The following MSRB3 variants were observed in gnomAD, a reference collection of about 807,000 sequenced individuals.
The protein encoded by MSRB3 is methionine sulfoxide reductase B3, also known as methionine-R-sulfoxide reductase B3.
MSRB3 carries 13 observed loss-of-function variants against 21.0 expected under a neutral mutation model. The observed-to-expected ratio is 0.62, with a 90% CI of 0.40 to 0.98. MSRB3 has a LOEUF of 0.98. Among genes scored for constraint, MSRB3 ranks in the 50% least tolerant of loss-of-function variants. The pLI is 0.00. For missense variants in MSRB3, 199 were observed against 230.3 expected (o/e 0.86, Z 0.88); for synonymous variants, 87 against 88.6 (o/e 0.98, Z 0.10).
chr12:65,392,931 A>G (rs1485510486), intron 5 of MSRB3, among the ~76,000 whole-genome samples: 1 of 152,040 alleles, frequency 6.6e-6, no homozygotes, highest in Non-Finnish European at 1.5e-5. Flanking sequence ...TATTTTTTGT[A>G]TTGAAAGATG....
At chr12:65,336,168 A>G (rs1157821942) in intron 4 of MSRB3, among the ~76,000 whole-genome samples, 1 of 152,062 alleles carries the variant, frequency 6.6e-6, no homozygotes, top group Non-Finnish European at 1.5e-5. Context: ...GAGAAAAACT[A>G]CAGCTGGATT....
intron 5 of MSRB3, among the ~76,000 whole-genome samples, chr12:65,375,184 G>T (rs1233415241): frequency 6.6e-6 from 1 of 152,038 alleles, no homozygotes; most frequent in Non-Finnish European, 1.5e-5. Flanking sequence ...CAAGTAGAGG[G>T]GACACGGCTC....
At chr12:65,308,189 G>C (rs1018064151) in intron 1 of MSRB3, among the ~76,000 whole-genome samples, 22 of 152,144 alleles carry the variant, frequency 1.4e-4, no homozygotes, top group Non-Finnish European at 1.5e-5. Context: ...ATGATACAAC[G>C]TGTATATTAG....
intron 5 of MSRB3, among the ~76,000 whole-genome samples, chr12:65,441,416 A>G (rs1882374304): frequency 6.6e-6 from 1 of 151,962 alleles, no homozygotes; most frequent in East Asian, 1.9e-4. Flanking sequence ...AACAAATATT[A>G]ATAAGTTACC....
At chr12:65,369,883 T>C (rs1878222994) in intron 5 of MSRB3, among the ~76,000 whole-genome samples, 2 of 152,194 alleles carry the variant, frequency 1.3e-5, no homozygotes, top group Admixed American at 6.5e-5. Context: ...TTTCACTATA[T>C]GGTAACTTTA....
At chr12:65,366,010 C>T (rs1877989807) in intron 4 of MSRB3, among the ~76,000 whole-genome samples, 1 of 152,044 alleles carries the variant, frequency 6.6e-6, no homozygotes, top group Non-Finnish European at 1.5e-5. Context: ...AGGCTCTGGG[C>T]CCCCACCCAT....
At chr12:65,306,839 C>A in intron 1 of MSRB3, 1 of 985,850 alleles carries the variant, frequency 1.0e-6, no homozygotes, top group Non-Finnish European at 1.2e-6. Context: ...TAGAATGCAT[C>A]TTTGTTCTTT....
intron 4 of MSRB3, among the ~76,000 whole-genome samples, chr12:65,348,836 C>T (rs1295704304): frequency 2.6e-5 from 4 of 152,226 alleles, no homozygotes; most frequent in East Asian, 1.9e-4. Flanking sequence ...GCCTTCATTT[C>T]GTTATGTACC....
chr12:65,433,790 T>C (rs1437439681), intron 5 of MSRB3, among the ~76,000 whole-genome samples: 1 of 151,934 alleles, frequency 6.6e-6, no homozygotes, highest in Non-Finnish European at 1.5e-5. Context: ...GGTTTATATT[T>C]TGCATGTCTC....
At chr12:65,367,951 A>G (rs1265891764) in intron 4 of MSRB3, among the ~76,000 whole-genome samples, 1 of 152,124 alleles carries the variant, frequency 6.6e-6, no homozygotes, top group Admixed American at 6.6e-5. Context: ...TCATACAATT[A>G]TAAGCATCAG....
intron 5 of MSRB3, among the ~76,000 whole-genome samples, chr12:65,426,286 T>G (rs530395891): frequency 6.6e-6 from 1 of 152,242 alleles, no homozygotes; most frequent in Admixed American, 6.5e-5. Flanking sequence ...AGGAAAGTGT[T>G]TATCTCTTCT....
intron 2 of MSRB3, among the ~76,000 whole-genome samples, chr12:65,313,014 A>G (rs1565827193): frequency 6.6e-6 from 1 of 152,144 alleles, no homozygotes; most frequent in African/African-American, 2.4e-5. Flanking sequence ...ATAGGTATAA[A>G]TCACATTGTA....
rs143559395 is a variant in MSRB3, at chr12:65,396,819, A to G, written c.292+27793A>G. Among the ~76,000 whole-genome samples, 1,314 of 152,216 alleles carry G rather than the reference A, an allele frequency of 8.6e-3. 21 individuals are homozygous for G. The highest frequency in any genetic ancestry group is 0.03 in the African/African-American group (1,244 of 41,498). ...ATCTTGGTAAATATTTCATCTTAAG[A>G]AGACTGTGTATTCTGCTGTCGTTGG... is the stretch of plus-strand genomic sequence containing the variant. On this transcript the variant is annotated intron_variant, in intron 5 of 6. Transcript: ENST00000308259.
chr12:65,395,140 C>T (rs1294494376), intron 5 of MSRB3, among the ~76,000 whole-genome samples: 1 of 152,122 alleles, frequency 6.6e-6, no homozygotes, highest in Non-Finnish European at 1.5e-5. Context: ...GTGAGTAAAA[C>T]TATCTCTATT....
At chr12:65,441,658 A>G (rs1035624432) in intron 5 of MSRB3, among the ~76,000 whole-genome samples, 3 of 152,008 alleles carry the variant, frequency 2.0e-5, no homozygotes, top group Admixed American at 2.0e-4. Context: ...GACAAAAAGC[A>G]TAATAAACAG....
chr12:65,307,171 C>T (rs1034948992), intron 1 of MSRB3: 4 of 367,562 alleles, frequency 1.1e-5, no homozygotes, highest in African/African-American at 8.8e-5. Context: ...TCTCTTTTCC[C>T]TGCTCTGCAG....
intron 1 of MSRB3, among the ~76,000 whole-genome samples, chr12:65,306,337 G>A (rs1873652430): frequency 1.3e-5 from 2 of 152,172 alleles, no homozygotes; most frequent in Non-Finnish European, 2.9e-5. Flanking sequence ...GGAAGTATGA[G>A]TATTAGTTTG....
intron 4 of MSRB3, among the ~76,000 whole-genome samples, chr12:65,350,362 A>G (rs1876874270): frequency 6.6e-6 from 1 of 151,988 alleles, no homozygotes; most frequent in South Asian, 2.1e-4. Context: ...CAGCTTTGCC[A>G]AAATGTAAAG....
chr12:65,419,980 G>A (rs536866751), intron 5 of MSRB3: 1 of 575,676 alleles, frequency 1.7e-6, no homozygotes, highest in South Asian at 1.4e-5. Flanking sequence ...CCCAGGGATG[G>A]GTAGGTAGTT....
Sources: gnomAD v4.1 joint callset for allele counts (sites outside exome capture counted in the v4.1 genomes callset) on GRCh38, gnomAD v4.1.1 for gene constraint, MANE v1.5 for transcripts, NCBI Gene and HGNC (gene_info 2026-07-23, HGNC 2026-07-21) for gene names.